The following FMNL2 variants were observed in gnomAD, a reference collection of about 807,000 sequenced individuals.
FMNL2 encodes formin-like protein 2.
FMNL2 carries 51 observed loss-of-function variants against 130.2 expected under a neutral mutation model. That is an observed-to-expected ratio of 0.39 (90% CI 0.31 to 0.49). The LOEUF (loss-of-function observed/expected upper bound fraction) is 0.49. FMNL2 is among the 20% of genes least tolerant of loss of function. The probability of loss-of-function intolerance (pLI) is 0.85; values close to 1 mark genes in which losing one functional copy is unlikely to be tolerated. For missense variants in FMNL2, 977 were observed against 1,316.2 expected (o/e 0.74, Z 3.99); for synonymous variants, 465 against 467.1 (o/e 1.00, Z 0.06).
chr2:152,411,079 C>T (rs1348282674), intron 1 of FMNL2, among the ~76,000 whole-genome samples: 1 of 152,142 alleles, frequency 6.6e-6, no homozygotes, highest in Non-Finnish European at 1.5e-5. Context: ...CTTCTTTGCC[C>T]CCCAGCAAAA....
intron 1 of FMNL2, among the ~76,000 whole-genome samples, chr2:152,469,740 T>C (rs967217098): frequency 6.6e-6 from 1 of 152,230 alleles, no homozygotes; most frequent in Non-Finnish European, 1.5e-5. Context: ...TGCTATGTTT[T>C]CTGGTTATAA....
chr2:152,542,983 A>C (rs12614414), intron 3 of FMNL2, among the ~76,000 whole-genome samples, 164 bp downstream of exon 3: 46,642 of 152,068 alleles, frequency 0.31, 7,248 homozygotes, highest in Middle Eastern at 0.39. Context: ...AAGGAAAAAA[A>C]ACAACCTTCT....
At chr2:152,577,545 G>A (rs549997628) in intron 7 of FMNL2, among the ~76,000 whole-genome samples, 74 of 152,276 alleles carry the variant, frequency 4.9e-4, no homozygotes, top group Non-Finnish European at 9.0e-4. Context: ...GAGAAGTAAA[G>A]AAGTCCAAAA....
At chr2:152,398,141 A>T (rs1685500702) in intron 1 of FMNL2, among the ~76,000 whole-genome samples, 2 of 152,096 alleles carry the variant, frequency 1.3e-5, no homozygotes, top group African/African-American at 4.8e-5. Context: ...AAATAAATAA[A>T]ATAAAAGCCT....
At chr2:152,364,403 G>A (rs577529857) in intron 1 of FMNL2, among the ~76,000 whole-genome samples, 15 of 150,566 alleles carry the variant, frequency 1.0e-4, no homozygotes, top group Admixed American at 5.3e-4. Context: ...TGAATGAAAA[G>A]AAAAATGTTG....
intron 1 of FMNL2, among the ~76,000 whole-genome samples, chr2:152,346,680 A>G (rs1416884572): frequency 1.3e-5 from 2 of 152,130 alleles, no homozygotes; most frequent in Non-Finnish European, 2.9e-5. Flanking sequence ...AAAAAGTTCC[A>G]CGATTGATTT....
intron 1 of FMNL2, among the ~76,000 whole-genome samples, chr2:152,438,807 A>G (rs1687910025): frequency 6.6e-6 from 1 of 152,104 alleles, no homozygotes; most frequent in South Asian, 2.1e-4. Flanking sequence ...ATTTTTAATC[A>G]CTTGTAAAGC....
chr2:152,391,093 CTGT>C (rs1486194569), intron 1 of FMNL2, among the ~76,000 whole-genome samples: 1 of 152,218 alleles, frequency 6.6e-6, no homozygotes, highest in African/African-American at 2.4e-5. Flanking sequence ...CAATTACCAT[CTGT>C]TGTTGCAGCT....
intron 1 of FMNL2, among the ~76,000 whole-genome samples, chr2:152,446,556 A>AT (rs1283381544): frequency 1.2e-4 from 18 of 152,368 alleles, no homozygotes; most frequent in African/African-American, 4.3e-4. Context: ...GAGAAACTAA[A>AT]TACAGCATCT....
intron 1 of FMNL2, among the ~76,000 whole-genome samples, chr2:152,489,033 T>C (rs1163079084): frequency 6.6e-6 from 1 of 152,196 alleles, no homozygotes; most frequent in Non-Finnish European, 1.5e-5. Context: ...ATGGTACCAC[T>C]GCACTCCAGC....
At chr2:152,335,817 G>C (rs1208647183) in intron 1 of FMNL2, 97 bp downstream of exon 1, 218 of 850,794 alleles carry the variant, frequency 2.6e-4, no homozygotes, top group Non-Finnish European at 3.4e-4. Context: ...TGCCGGGAGC[G>C]AGCCTCCATT....
chr2:152,390,369 C>A, intron 1 of FMNL2: 1 of 1,089,592 alleles, frequency 9.2e-7, no homozygotes, highest in Non-Finnish European at 1.4e-6. Flanking sequence ...GGTGACTGTG[C>A]ATCTTGAGAA....
chr2:152,405,167 G>A (rs1170787982), intron 1 of FMNL2, among the ~76,000 whole-genome samples: 1 of 152,262 alleles, frequency 6.6e-6, no homozygotes, highest in East Asian at 1.9e-4. Context: ...TTGTATGGAC[G>A]CTGGGGTTCT....
At chr2:152,624,230 G>T (rs1312408529) in intron 15 of FMNL2, among the ~76,000 whole-genome samples, 1 of 150,686 alleles carries the variant, frequency 6.6e-6, no homozygotes, top group Non-Finnish European at 1.5e-5. Context: ...TGATCTCGGT[G>T]CACTGCAACC....
chr2:152,644,428 T>A (rs1222504943), intron 25 of FMNL2, among the ~76,000 whole-genome samples: 1 of 152,228 alleles, frequency 6.6e-6, no homozygotes, highest in Non-Finnish European at 1.5e-5. Context: ...CAGGCCTTTC[T>A]TAACTCTCTT....
intron 2 of FMNL2, among the ~76,000 whole-genome samples, chr2:152,531,975 G>A (rs544279363): frequency 6.6e-6 from 1 of 152,274 alleles, no homozygotes; most frequent in Admixed American, 6.5e-5. Flanking sequence ...AAATGACAGT[G>A]AAGTCGTATT....
intron 1 of FMNL2, among the ~76,000 whole-genome samples, chr2:152,445,275 A>T (rs1487069696): frequency 6.6e-6 from 1 of 152,242 alleles, no homozygotes; most frequent in Non-Finnish European, 1.5e-5. Flanking sequence ...AAACTGAGTC[A>T]TGCAGTGGAC....
At chr2:152,337,391 CTGTGTGTGTG>C (rs10524595) in intron 1 of FMNL2, among the ~76,000 whole-genome samples, 9 of 143,540 alleles carry the variant, frequency 6.3e-5, no homozygotes, top group South Asian at 2.3e-4. Context: ...CTGTGGTGCT[CTGTGTGTGTG>C]TGTGTGTGTG....
At chr2:152,619,472 A>G (rs2105895522) in intron 14 of FMNL2, 37 bp from the exon 15 acceptor site, 1 of 1,549,492 alleles carries the variant, frequency 6.5e-7, no homozygotes, top group Non-Finnish European at 8.7e-7. Flanking sequence ...CCATTCCCGT[A>G]TTTTCAAAGT....
Sources: gnomAD v4.1 joint callset for allele counts (sites outside exome capture counted in the v4.1 genomes callset) on GRCh38, gnomAD v4.1.1 for gene constraint, MANE v1.5 for transcripts, NCBI Gene and HGNC (gene_info 2026-07-23, HGNC 2026-07-21) for gene names.